The following STON1 variants were observed in gnomAD, a reference collection of about 807,000 sequenced individuals.
STON1 encodes stonin-1.
STON1 carries 79 observed loss-of-function variants against 60.9 expected under a neutral mutation model. The observed-to-expected ratio is 1.30, with a 90% CI of 1.08 to 1.56. The LOEUF is 1.56. Ranked by LOEUF, STON1 falls within the 40% of genes most tolerant of loss-of-function variation. The probability of loss-of-function intolerance (pLI) is 0.00; values close to 1 mark genes in which losing one functional copy is unlikely to be tolerated. For synonymous variants in STON1, 363 were observed against 306.9 expected, an observed-to-expected ratio of 1.18 and a Z score of -1.91; for missense variants, 1,166 against 858.9, an observed-to-expected ratio of 1.36 and a Z score of -4.47.
intron 2 of STON1, among the ~76,000 whole-genome samples, chr2:48,585,409 G>A (rs947010224): frequency 6.6e-6 from 1 of 151,848 alleles, no homozygotes; most frequent in East Asian, 1.9e-4. Context: ...CACCACACCC[G>A]GCTAACTTCT....
intron 1 of STON1, among the ~76,000 whole-genome samples, chr2:48,541,072 G>A (rs1006489318): frequency 2.6e-5 from 4 of 152,150 alleles, no homozygotes; most frequent in South Asian, 2.1e-4. Context: ...ATTTTGGGCC[G>A]GGCACAGTGG....
intron 1 of STON1, among the ~76,000 whole-genome samples, chr2:48,541,570 A>G (rs1572926976): frequency 6.7e-6 from 1 of 150,006 alleles, no homozygotes; most frequent in East Asian, 2.0e-4. Flanking sequence ...ATGGTGGTGC[A>G]CGCCTGTAGT....
At position 48,582,539 on chromosome 2, in the gene STON1, G is replaced by A; in HGVS notation, c.1906G>A (p.Asp636Asn). The change falls in exon 2 of 4, where the codon GAT (aspartate) becomes AAT (asparagine). Residue 636 changes from aspartate (D) to asparagine (N), a missense_variant. Coordinates refer to ENST00000404752, the MANE Select transcript of STON1 (RefSeq NM_006873.4). Reference protein sequence around the residue: ...SAYQAVVWKIDRLPDKNSSLD... With the variant: ...SAYQAVVWKINRLPDKNSSLD... ...CTACCAGGCAGTGGTATGGAAGATA[G>A]ATCGGCTTCCAGACAAAAATTCAAG... 6.2e-7 allele frequency: 1 copy of A among 1,608,964 alleles called. No individual in the cohort carries two copies. The highest frequency in any genetic ancestry group is 8.5e-7 in the Non-Finnish European group (1 of 1,177,860).
At chr2:48,544,815 G>C (rs952859290) in intron 1 of STON1, among the ~76,000 whole-genome samples, 1 of 152,220 alleles carries the variant, frequency 6.6e-6, no homozygotes, top group African/African-American at 2.4e-5. Flanking sequence ...CCAAAGTGCT[G>C]GGATTACAGG....
rs539911158 is a variant in STON1, at chr2:48,572,020, T to C, written c.-47-8567T>C. ...TCTACTAAAAATACAAAAATTAGCCTGGCATGGTGGTGGGCGCCTGTAATC... is the reference window on the plus strand; with the variant it reads ...TCTACTAAAAATACAAAAATTAGCCCGGCATGGTGGTGGGCGCCTGTAATC... On this transcript the variant is annotated intron_variant, in intron 1 of 3. Coordinates refer to ENST00000404752, the MANE Select transcript of STON1 (RefSeq NM_006873.4). 5.9e-5 allele frequency among the ~76,000 whole-genome samples: 9 copies of C among 151,796 alleles called. No homozygotes were observed. The South Asian group carries it at 1.3e-3, about 21-fold the overall frequency.
intron 1 of STON1, among the ~76,000 whole-genome samples, chr2:48,545,295 T>C (rs1671821856): frequency 1.3e-5 from 2 of 152,206 alleles, no homozygotes; most frequent in African/African-American, 2.4e-5. Context: ...TTATAACACA[T>C]GTGATGGGGT....
chr2:48,564,471 TTCTTCTTCTTTCTTCTTCTTCTTCTTC>T (rs1672776942), intron 1 of STON1, among the ~76,000 whole-genome samples: 2 of 51,160 alleles, frequency 3.9e-5, no homozygotes, highest in African/African-American at 1.6e-4. Flanking sequence ...CTTCTTCTTC[TTCTTCTTCTTTCTTCTTCTTCTTCTTC>T]TTCTTCTTCT....
At chr2:48,584,242 C>A (rs1204348374) in intron 2 of STON1, among the ~76,000 whole-genome samples, 1 of 152,026 alleles carries the variant, frequency 6.6e-6, no homozygotes, top group Non-Finnish European at 1.5e-5. Context: ...TTGGGGTGGC[C>A]TTATGGCAGT....
At chr2:48,579,737 T>A (rs1311103331) in intron 1 of STON1, among the ~76,000 whole-genome samples, 1 of 152,182 alleles carries the variant, frequency 6.6e-6, no homozygotes, top group East Asian at 1.9e-4. Flanking sequence ...TTAGTTGAGT[T>A]TATAGTGTTC....
Position 48,596,137 on chromosome 2 carries a change from A to T in STON1, c.*835A>T, listed in dbSNP as rs1674773430. On this transcript the variant is annotated 3_prime_UTR_variant, in exon 4 of 4. Coordinates refer to ENST00000404752, the MANE Select transcript of STON1 (RefSeq NM_006873.4). ...TTTTCCAAAAGTACAGACTCTAAGGACATATTTTGATAAAGTATTATTTGT... is the reference window on the plus strand; with the variant it reads ...TTTTCCAAAAGTACAGACTCTAAGGTCATATTTTGATAAAGTATTATTTGT... 6.6e-6 allele frequency: 1 copy of T among 152,220 alleles called. No individual in the cohort carries two copies. The highest frequency in any genetic ancestry group is 6.5e-5 in the Admixed American group (1 of 15,284). The allele number at this position is 152,220 out of a possible 1,614,324, so 9.4% of individuals were successfully genotyped here. A position where few individuals can be genotyped will look rare whatever the true frequency, so the allele number is the denominator to read the frequency against.
chr2:48,548,805 T>C (rs1225293999), intron 1 of STON1, among the ~76,000 whole-genome samples: 1 of 152,180 alleles, frequency 6.6e-6, no homozygotes, highest in Non-Finnish European at 1.5e-5. Context: ...CGGCCTCATT[T>C]TTCTTTTTTA....
intron 1 of STON1, among the ~76,000 whole-genome samples, chr2:48,551,462 G>A (rs1672102911): frequency 6.6e-6 from 1 of 152,210 alleles, no homozygotes; most frequent in Admixed American, 6.5e-5. Context: ...CCCTGGCCTT[G>A]TCTTGTTGGC....
chr2:48,582,158 G>T lies in STON1; in HGVS notation c.1525G>T (p.Ala509Ser), dbSNP rs1673925988. Residue 509 changes from alanine (A) to serine (S), a missense_variant, in exon 2 of 4, where the codon GCC (alanine) becomes TCC (serine). Ala to Ser is a moderately conservative substitution (Grantham distance 99). Transcript: ENST00000404752. Reference protein sequence around the residue: ...SRIIKFVPLDACRFELMRFKT... With the variant: ...SRIIKFVPLDSCRFELMRFKT... ...AATCATTAAGTTTGTACCTCTGGAT[G>T]CCTGCCGGTTTGAGCTGATGCGTTT... is the stretch of plus-strand genomic sequence containing the variant. 1 of 1,614,110 alleles carries T rather than the reference G, an allele frequency of 6.2e-7. No individual in the cohort carries two copies. The highest frequency in any genetic ancestry group is 8.5e-7 in the Non-Finnish European group (1 of 1,180,050).
At chr2:48,563,661 T>G (rs552917227) in intron 1 of STON1, among the ~76,000 whole-genome samples, 1 of 151,522 alleles carries the variant, frequency 6.6e-6, no homozygotes, top group Non-Finnish European at 1.5e-5. Context: ...AGGCACACCC[T>G]CCACGTGGCT....
At chr2:48,553,337 C>T (rs970398456) in intron 1 of STON1, among the ~76,000 whole-genome samples, 8 of 152,094 alleles carry the variant, frequency 5.3e-5, no homozygotes, top group African/African-American at 1.7e-4. Flanking sequence ...GGGGCAAATA[C>T]CTCTCTGTAG....
chr2:48,556,994 T>C (rs1444296164), intron 1 of STON1, among the ~76,000 whole-genome samples: 2 of 66,316 alleles, frequency 3.0e-5, no homozygotes, highest in Admixed American at 1.3e-4. Context: ...ACCTCCCTCC[T>C]GGACGGCACG....
At chr2:48,569,345 T>C (rs1673088678) in intron 1 of STON1, among the ~76,000 whole-genome samples, 1 of 152,182 alleles carries the variant, frequency 6.6e-6, no homozygotes, top group African/African-American at 2.4e-5. Flanking sequence ...TGTGGAAAAA[T>C]GAAAAGACCA....
At chr2:48,538,763 A>ATTTT (rs34052598) in intron 1 of STON1, among the ~76,000 whole-genome samples, 3 of 86,362 alleles carry the variant, frequency 3.5e-5, no homozygotes, top group Non-Finnish European at 6.6e-5. Flanking sequence ...ACACCCAGCT[A>ATTTT]TTTTTTTTTT....
At chr2:48,548,912 G>A (rs185479327) in intron 1 of STON1, among the ~76,000 whole-genome samples, 22 of 152,322 alleles carry the variant, frequency 1.4e-4, no homozygotes, top group Non-Finnish European at 8.8e-5. Flanking sequence ...TGGTATCCGA[G>A]TGAATAGGAA....
Sources: allele counts gnomAD v4.1 joint callset (sites outside exome capture counted in the v4.1 genomes callset), GRCh38; gene constraint gnomAD v4.1.1; transcripts MANE v1.5; gene names NCBI Gene and HGNC (gene_info 2026-07-23, HGNC 2026-07-21).